The following TLN2 variants were observed in gnomAD, a reference collection of about 807,000 sequenced individuals.
TLN2 encodes talin 2.
Under a neutral mutation model 294.7 loss-of-function variants are expected in TLN2, and 118 were observed. The ratio of observed to expected loss-of-function variants is 0.40; its 90% CI spans 0.34 to 0.47. TLN2 has a LOEUF of 0.47. TLN2 is among the 20% of genes least tolerant of loss of function. The pLI is 0.84. For missense variants in TLN2, 3,083 were observed against 3,282.2 expected, an observed-to-expected ratio of 0.94 and a Z score of 1.48; for synonymous variants, 1,431 against 1,304.5, an observed-to-expected ratio of 1.10 and a Z score of -2.09.
chr15:62,403,187 G>A (rs933786818), intron 1 of TLN2, among the ~76,000 whole-genome samples: 3 of 150,706 alleles, frequency 2.0e-5, no homozygotes, highest in African/African-American at 7.4e-5. Context: ...GCAGTGAGCC[G>A]AGATCGTGTG....
At chr15:62,564,934 A>ATATATG (rs2043275400) in intron 1 of TLN2, among the ~76,000 whole-genome samples, 3 of 146,664 alleles carry the variant, frequency 2.0e-5, no homozygotes, top group Non-Finnish European at 4.5e-5. Flanking sequence ...AAATATATAT[A>ATATATG]TATATATACT....
At chr15:62,783,733 G>C (rs367800839) in intron 44 of TLN2, 38 bp from the exon 45 acceptor site, 6 of 1,546,036 alleles carry the variant, frequency 3.9e-6, no homozygotes, top group Non-Finnish European at 5.3e-6. Flanking sequence ...GTGTGTGTGT[G>C]TGTGTGTGTG....
At chr15:62,502,444 C>T (rs2039358255) in intron 1 of TLN2, among the ~76,000 whole-genome samples, 1 of 152,140 alleles carries the variant, frequency 6.6e-6, no homozygotes, top group Non-Finnish European at 1.5e-5. Context: ...GGGAGTCAGC[C>T]AGGGTGTCAA....
intron 3 of TLN2, 33 bp from the exon 4 acceptor site, chr15:62,647,242 G>A (rs552556907): frequency 4.6e-6 from 7 of 1,515,770 alleles, no homozygotes; most frequent in South Asian, 3.8e-5. Context: ...TTATTATCGT[G>A]AACATCAGGG....
At chr15:62,733,158 A>G (rs897945768) in intron 28 of TLN2, among the ~76,000 whole-genome samples, 1 of 152,208 alleles carries the variant, frequency 6.6e-6, no homozygotes, top group African/African-American at 2.4e-5. Context: ...TTTGAAAGAA[A>G]GAAGAACATG....
chr15:62,809,669 C>A (rs1436291041), intron 51 of TLN2, among the ~76,000 whole-genome samples: 1 of 152,154 alleles, frequency 6.6e-6, no homozygotes, highest in Non-Finnish European at 1.5e-5. Context: ...AAAGGAGGAA[C>A]AAAGGTCCAG....
chr15:62,597,926 T>C, intron 2 of TLN2, among the ~76,000 whole-genome samples: 1 of 152,230 alleles, frequency 6.6e-6, no homozygotes, highest in Non-Finnish European at 1.5e-5. Context: ...ATTTTCCACT[T>C]GTGGTGTCTT....
At chr15:62,500,752 G>A (rs2039262526) in intron 1 of TLN2, among the ~76,000 whole-genome samples, 1 of 152,206 alleles carries the variant, frequency 6.6e-6, no homozygotes, top group African/African-American at 2.4e-5. Flanking sequence ...CTTCTTGAGG[G>A]AGCGCTGTTG....
chr15:62,450,996 G>A (rs937612191), intron 1 of TLN2, among the ~76,000 whole-genome samples: 5 of 149,770 alleles, frequency 3.3e-5, no homozygotes, highest in African/African-American at 1.2e-4. Context: ...TTTTGGTAGA[G>A]ATGAGGTCTT....
intron 1 of TLN2, among the ~76,000 whole-genome samples, chr15:62,538,837 A>G (rs915982765): frequency 6.6e-6 from 1 of 152,234 alleles, no homozygotes; most frequent in Non-Finnish European, 1.5e-5. Context: ...AACAAATGGA[A>G]TGCTTTAAAA....
intron 1 of TLN2, among the ~76,000 whole-genome samples, chr15:62,505,774 G>T (rs918319318): frequency 4.6e-5 from 7 of 152,200 alleles, no homozygotes; most frequent in African/African-American, 1.7e-4. Flanking sequence ...GTGGAAGGAA[G>T]TTCTCCCTAA....
At chr15:62,421,016 A>G (rs533936224) in intron 1 of TLN2, among the ~76,000 whole-genome samples, 1 of 152,376 alleles carries the variant, frequency 6.6e-6, no homozygotes, top group Middle Eastern at 3.4e-3. Flanking sequence ...AGATGAATGC[A>G]CACTTACACG....
chr15:62,450,663 C>T (rs2036082175), intron 1 of TLN2, among the ~76,000 whole-genome samples: 1 of 152,016 alleles, frequency 6.6e-6, no homozygotes, highest in Non-Finnish European at 1.5e-5. Context: ...CAACTTTCAC[C>T]TCTTGGGCTC....
intron 6 of TLN2, among the ~76,000 whole-genome samples, chr15:62,652,377 T>A (rs8039436): frequency 0.32 from 49,353 of 151,984 alleles, 8,452 homozygotes; most frequent in East Asian, 0.68. Context: ...GATTTTCAAA[T>A]GGAAAGTCAT....
chr15:62,742,022 GGGGTGTGTGTGTGTGTGTGTGT>G (rs1463270871), intron 32 of TLN2, among the ~76,000 whole-genome samples: 2,907 of 100,220 alleles, frequency 0.029, 80 homozygotes, highest in East Asian at 0.092. Flanking sequence ...GGCTTGTAGT[GGGGTGTGTGTGTGTGTGTGTGT>G]GTGTGTGTGT....
intron 1 of TLN2, among the ~76,000 whole-genome samples, chr15:62,464,674 A>G (rs959323941): frequency 2.0e-5 from 3 of 152,106 alleles, no homozygotes; most frequent in Non-Finnish European, 2.9e-5. Context: ...TTGCAATTAA[A>G]TAATTGCAAA....
At chr15:62,807,728 A>G (rs2066391466) in intron 51 of TLN2, among the ~76,000 whole-genome samples, 1 of 152,086 alleles carries the variant, frequency 6.6e-6, no homozygotes, top group Admixed American at 6.5e-5. Flanking sequence ...TGTCATCTCG[A>G]CCCTGGGATG....
intron 3 of TLN2, among the ~76,000 whole-genome samples, chr15:62,631,113 A>G (rs181033510): frequency 5.5e-4 from 84 of 152,268 alleles, no homozygotes; most frequent in African/African-American, 2.0e-3. Flanking sequence ...CCCAAAAGCA[A>G]AATAGACTCT....
intron 32 of TLN2, among the ~76,000 whole-genome samples, chr15:62,743,925 T>C (rs1201793506): frequency 2.6e-5 from 4 of 152,134 alleles, no homozygotes; most frequent in Non-Finnish European, 5.9e-5. Context: ...CTGGCTCCCC[T>C]TTGGTCTGAG....
Sources: allele counts gnomAD v4.1 joint callset (sites outside exome capture counted in the v4.1 genomes callset), GRCh38; gene constraint gnomAD v4.1.1; transcripts MANE v1.5; gene names NCBI Gene and HGNC (gene_info 2026-07-23, HGNC 2026-07-21).